The following CNTN3 variants were observed in gnomAD, a reference collection of about 807,000 sequenced individuals.
CNTN3 encodes contactin 3, also known as contactin-3.
CNTN3 carries 60 observed loss-of-function variants against 119.1 expected under a neutral mutation model. The ratio of observed to expected loss-of-function variants is 0.50; its 90% CI spans 0.41 to 0.62. The LOEUF (loss-of-function observed/expected upper bound fraction) is 0.62. CNTN3 is among the 20% of genes least tolerant of loss of function. CNTN3 has a pLI of 0.00. For missense variants in CNTN3, 1,101 were observed against 1,242.4 expected, an observed-to-expected ratio of 0.89 and a Z score of 1.71; for synonymous variants, 450 against 438.7, an observed-to-expected ratio of 1.03 and a Z score of -0.32.
chr3:74,430,283 C>T (rs1701761822), intron 4 of CNTN3, among the ~76,000 whole-genome samples: 1 of 152,166 alleles, frequency 6.6e-6, no homozygotes, highest in Admixed American at 6.5e-5. Flanking sequence ...AGTGCTACAT[C>T]CATACCATGG....
intron 1 of CNTN3, among the ~76,000 whole-genome samples, chr3:74,613,669 C>A (rs1259713010): frequency 6.6e-6 from 1 of 152,176 alleles, no homozygotes; most frequent in African/African-American, 2.4e-5. Flanking sequence ...TTCACGCGAC[C>A]AGAAAAAATT....
chr3:74,309,804 C>T lies in CNTN3; in HGVS notation c.1669-6997G>A, dbSNP rs779319783. Reference sequence around the variant, plus strand: ...GCTGTATACTGCTGAACTCATAAGCCGAAAGCAATACTCTATTTTCACCTT... The same window carrying T: ...GCTGTATACTGCTGAACTCATAAGCTGAAAGCAATACTCTATTTTCACCTT... On this transcript the variant is annotated intron_variant, in intron 13 of 22. Coordinates refer to ENST00000263665, the MANE Select transcript of CNTN3 (RefSeq NM_020872.3). Among the ~76,000 whole-genome samples, 14 of 152,156 alleles carry T rather than the reference C, an allele frequency of 9.2e-5. No individual in the cohort carries two copies. The East Asian group carries it at 1.4e-3, about 15-fold the overall frequency.
chr3:74,298,263 A>C lies in CNTN3; in HGVS notation c.2167-72T>G, dbSNP rs1702382035. The C allele has an allele frequency of 4.5e-6, 4 of 891,626 alleles. No homozygotes were observed. In the East Asian group the frequency reaches 1.0e-4, roughly 23 times the overall value. 55.2% of individuals were successfully genotyped at this position (891,626 alleles called of 1,614,324 possible). Reference sequence around the variant, plus strand: ...GCAAAAATGAATGCAGCTGTAATCCACAGGCATTTATTTGTAAAAGTCATC... The same window carrying C: ...GCAAAAATGAATGCAGCTGTAATCCCCAGGCATTTATTTGTAAAAGTCATC... On this transcript the variant is annotated intron_variant, in intron 17 of 22. Coordinates refer to ENST00000263665, the MANE Select transcript of CNTN3 (RefSeq NM_020872.3).
intron 4 of CNTN3, among the ~76,000 whole-genome samples, chr3:74,485,952 C>T (rs1433422588): frequency 6.6e-6 from 1 of 152,044 alleles, no homozygotes; most frequent in African/African-American, 2.4e-5. Context: ...GATAAGACCC[C>T]AGAGGAGTCA....
chr3:74,382,372 T>C (rs1704642564), intron 5 of CNTN3, among the ~76,000 whole-genome samples: 1 of 152,228 alleles, frequency 6.6e-6, no homozygotes, highest in Admixed American at 6.5e-5. Flanking sequence ...TATTTTGTAG[T>C]GAAATATACT....
At chr3:74,336,157 A>G (rs1232268939) in intron 12 of CNTN3, among the ~76,000 whole-genome samples, 3 of 152,130 alleles carry the variant, frequency 2.0e-5, no homozygotes, top group Non-Finnish European at 2.9e-5. Context: ...TCTTATTTAT[A>G]TCCTGTTATT....
chr3:74,314,950 G>T (rs1702792975), intron 13 of CNTN3, among the ~76,000 whole-genome samples: 1 of 152,150 alleles, frequency 6.6e-6, no homozygotes, highest in Non-Finnish European at 1.5e-5. Flanking sequence ...TATTCACAGG[G>T]TGAGACAGGA....
rs1701608761 is a variant in CNTN3, at chr3:74,263,252, T to G, written c.*1149A>C. On this transcript the variant is annotated 3_prime_UTR_variant, in exon 23 of 23. Coordinates refer to ENST00000263665, the MANE Select transcript of CNTN3 (RefSeq NM_020872.3). The stretch of plus-strand genomic sequence containing the variant: ...GTCATACATATCAAAGTCAGCAGCA[T>G]TGCCTTGGTTCTATTACAAATTTAA... The G allele has an allele frequency of 6.6e-6, 1 of 152,158 alleles. No homozygotes were observed. The highest frequency in any genetic ancestry group is 1.5e-5 in the Non-Finnish European group (1 of 68,000). The allele number at this position is 152,158 out of a possible 1,614,324, so 9.4% of individuals were successfully genotyped here. A position where few individuals can be genotyped will look rare whatever the true frequency, so the allele number is the denominator to read the frequency against.
intron 5 of CNTN3, among the ~76,000 whole-genome samples, chr3:74,408,361 T>C (rs1243924189): frequency 6.6e-6 from 1 of 152,200 alleles, no homozygotes; most frequent in Non-Finnish European, 1.5e-5. Flanking sequence ...GAGTAAGTCT[T>C]ATCCTGGATT....
At chr3:74,460,507 G>T (rs1029072780) in intron 4 of CNTN3, among the ~76,000 whole-genome samples, 58 of 151,680 alleles carry the variant, frequency 3.8e-4, no homozygotes, top group African/African-American at 1.3e-3. Flanking sequence ...GTACATGTTT[G>T]GTTAAGTGTA....
At chr3:74,571,034 A>C (rs944450709) in intron 1 of CNTN3, among the ~76,000 whole-genome samples, 8 of 152,226 alleles carry the variant, frequency 5.3e-5, no homozygotes, top group Non-Finnish European at 1.5e-5. Flanking sequence ...ATACAATAGA[A>C]TAGAACCACC....
chr3:74,478,047 G>T (rs1241954092), intron 4 of CNTN3, among the ~76,000 whole-genome samples: 1 of 152,068 alleles, frequency 6.6e-6, no homozygotes, highest in African/African-American at 2.4e-5. Context: ...TTACTAGTAG[G>T]TAAGAGATAG....
At chr3:74,453,302 G>A (rs7620725) in intron 4 of CNTN3, among the ~76,000 whole-genome samples, 13 of 151,916 alleles carry the variant, frequency 8.6e-5, no homozygotes, top group South Asian at 4.2e-4. Flanking sequence ...GTTTACTTGC[G>A]AAGAGGTGTT....
Position 74,266,516 on chromosome 3 carries a change from G to GT in CNTN3, c.2950dup (p.Thr984AsnfsTer3), listed in dbSNP as rs1337418298. On this transcript the variant is annotated frameshift_variant, in exon 22 of 23. Coordinates refer to ENST00000263665, the MANE Select transcript of CNTN3 (RefSeq NM_020872.3). LOFTEE classifies it high-confidence loss of function. ...TGGAATCCTGATCTGTTCACTACTG[G>GT]TCCCATCCCCTCCATCTGTTGTGGC... is the stretch of plus-strand genomic sequence containing the variant. 1 of 1,613,482 alleles carries GT rather than the reference G, an allele frequency of 6.2e-7. No individual in the cohort carries two copies. The highest frequency in any genetic ancestry group is 1.1e-5 in the South Asian group (1 of 91,058).
chr3:74,493,927 C>T (rs1412887928), intron 3 of CNTN3, among the ~76,000 whole-genome samples: 1 of 152,052 alleles, frequency 6.6e-6, no homozygotes, highest in Middle Eastern at 3.4e-3. Flanking sequence ...TCTCACTCAT[C>T]GATAAATTTT....
chr3:74,301,952 G>A (rs1702468466), intron 14 of CNTN3, 147 bp from the exon 15 acceptor site: 1 of 752,742 alleles, frequency 1.3e-6, no homozygotes, highest in East Asian at 2.6e-5. Flanking sequence ...CCATTTACCT[G>A]GTAATAGAAC....
chr3:74,313,250 A>T (rs1038096555), intron 13 of CNTN3, among the ~76,000 whole-genome samples: 6 of 152,178 alleles, frequency 3.9e-5, no homozygotes, highest in African/African-American at 1.4e-4. Flanking sequence ...AAAGGGAAAA[A>T]AGCAATTTTT....
rs911811197 is a variant in CNTN3, at chr3:74,263,520, T to A, written c.*881A>T. 3 of 151,918 alleles carry A rather than the reference T, an allele frequency of 2.0e-5. No individual in the cohort carries two copies. The highest frequency in any genetic ancestry group is 4.4e-5 in the Non-Finnish European group (3 of 67,968). The allele number at this position is 151,918 out of a possible 1,614,324, so 9.4% of individuals were successfully genotyped here. A position where few individuals can be genotyped will look rare whatever the true frequency, so the allele number is the denominator to read the frequency against. On this transcript the variant is annotated 3_prime_UTR_variant, in exon 23 of 23. Coordinates refer to ENST00000263665, the MANE Select transcript of CNTN3 (RefSeq NM_020872.3). ...GAAGGAAACAATTCCTTTTTTAATT[T>A]AAAAAAACTTTTTTTTTTTGAGAAA...
chr3:74,450,784 T>C (rs1194958168), intron 4 of CNTN3, among the ~76,000 whole-genome samples: 10 of 151,498 alleles, frequency 6.6e-5, no homozygotes, highest in Admixed American at 1.3e-4. Flanking sequence ...GTTCTTGTGA[T>C]AGTTTACTGA....
Sources: allele counts gnomAD v4.1 joint callset (sites outside exome capture counted in the v4.1 genomes callset), GRCh38; gene constraint gnomAD v4.1.1; transcripts MANE v1.5; gene names NCBI Gene and HGNC (gene_info 2026-07-23, HGNC 2026-07-21).